The following THSD7B variants were observed in gnomAD, a reference collection of about 807,000 sequenced individuals.
THSD7B encodes thrombospondin type 1 domain containing 7B.
THSD7B carries 138 observed loss-of-function variants against 213.6 expected under a neutral mutation model. The observed-to-expected ratio is 0.65, with a 90% confidence interval of 0.56 to 0.74. THSD7B has a LOEUF of 0.74. Among genes scored for constraint, THSD7B ranks in the 30% least tolerant of loss-of-function variants. The pLI is 0.00. For synonymous variants in THSD7B, 742 were observed against 687.0 expected (o/e 1.08, Z -1.25); for missense variants, 1,931 against 1,991.5 (o/e 0.97, Z 0.58).
chr2:136,770,312 T>G (rs1681482219), intron 1 of THSD7B, among the ~76,000 whole-genome samples: 1 of 152,218 alleles, frequency 6.6e-6, no homozygotes. Flanking sequence ...TAATCTCTTC[T>G]TGCAGAGTTT....
At position 137,656,831 on chromosome 2, in the gene THSD7B, A is replaced by C. The variant is rs1473755511; in HGVS notation, c.4141A>C (p.Thr1381Pro). 6.2e-7 allele frequency: 1 copy of C among 1,614,028 alleles called. No homozygotes were observed. Among genetic ancestry groups the C allele is most frequent in the Admixed American group, 1.7e-5 (1 of 60,030 alleles). Residue 1381 changes from threonine (T) to proline (P), a missense_variant, in exon 23 of 28, where the codon ACA becomes CCA. Transcript: ENST00000409968. ...CHLTEWSEWS[T>P]CELTCIDGRS... Reference sequence around the variant, plus strand: ...TTTAACAGAATGGTCAGAGTGGAGCACATGTGAATTAACCTGCATTGATGG... The same window carrying C: ...TTTAACAGAATGGTCAGAGTGGAGCCCATGTGAATTAACCTGCATTGATGG...
intron 15 of THSD7B, among the ~76,000 whole-genome samples, chr2:137,498,918 G>T (rs965699642): frequency 6.6e-6 from 1 of 152,242 alleles, no homozygotes; most frequent in African/African-American, 2.4e-5. Context: ...TCAGAGGCAG[G>T]TTGCTCCCTT....
intron 15 of THSD7B, among the ~76,000 whole-genome samples, chr2:137,546,560 TTCTC>T (rs1222481469): frequency 7.7e-6 from 1 of 129,426 alleles, no homozygotes; most frequent in African/African-American, 2.9e-5. Context: ...TTTTCTTTCT[TTCTC>T]TCTTTCTTTC....
chr2:136,888,819 C>A (rs1420469021), intron 2 of THSD7B, among the ~76,000 whole-genome samples: 1 of 152,032 alleles, frequency 6.6e-6, no homozygotes, highest in Non-Finnish European at 1.5e-5. Flanking sequence ...GAGGACAGGG[C>A]ATTTTGCTGG....
chr2:137,634,019 A>G (rs1181853558), intron 20 of THSD7B, among the ~76,000 whole-genome samples: 1 of 152,116 alleles, frequency 6.6e-6, no homozygotes, highest in African/African-American at 2.4e-5. Context: ...GTCATCCACT[A>G]GTATTTGCTA....
chr2:137,300,054 A>G (rs1488595124), intron 12 of THSD7B, among the ~76,000 whole-genome samples: 1 of 152,170 alleles, frequency 6.6e-6, no homozygotes, highest in African/African-American at 2.4e-5. Flanking sequence ...GAGTAGAAGC[A>G]GGTGAAGGTT....
chr2:137,132,186 G>A (rs1256735204), intron 5 of THSD7B, among the ~76,000 whole-genome samples: 1 of 151,096 alleles, frequency 6.6e-6, no homozygotes, highest in Non-Finnish European at 1.5e-5. Flanking sequence ...CTGTTTGTCT[G>A]TTATTGGTGT....
intron 12 of THSD7B, among the ~76,000 whole-genome samples, chr2:137,395,587 G>GGC (rs1686159531): frequency 6.6e-6 from 1 of 152,020 alleles, no homozygotes; most frequent in Non-Finnish European, 1.5e-5. Context: ...GAGGATTTTT[G>GGC]CATCAATGTT....
intron 12 of THSD7B, among the ~76,000 whole-genome samples, chr2:137,367,778 T>C (rs1261795643): frequency 6.6e-6 from 1 of 152,152 alleles, no homozygotes; most frequent in African/African-American, 2.4e-5. Context: ...ATATGTGGCC[T>C]TTCCTCAGTG....
At chr2:137,654,652 A>C (rs1683202180) in intron 21 of THSD7B, among the ~76,000 whole-genome samples, 1 of 151,846 alleles carries the variant, frequency 6.6e-6, no homozygotes. Flanking sequence ...CCACTTACTG[A>C]GTTTTTTCAC....
At chr2:136,855,602 ATTAT>A (rs1553453364) in intron 1 of THSD7B, among the ~76,000 whole-genome samples, 874 of 19,330 alleles carry the variant, frequency 0.045, 9 homozygotes, top group African/African-American at 0.089. Flanking sequence ...TTATTTATTT[ATTAT>A]TTATTTATTT....
At chr2:137,424,639 A>G (rs1426772589) in intron 14 of THSD7B, among the ~76,000 whole-genome samples, 3 of 152,232 alleles carry the variant, frequency 2.0e-5, no homozygotes, top group Non-Finnish European at 4.4e-5. Context: ...TCATATGATC[A>G]TCTCAATAGA....
At position 137,430,631 on chromosome 2, in the gene THSD7B, C is replaced by G. The variant is rs185049268; in HGVS notation, c.2959+18759C>G. Among the ~76,000 whole-genome samples, 33 of 152,326 alleles carry G rather than the reference C, an allele frequency of 2.2e-4. No individual in the cohort carries two copies. In the East Asian group the frequency reaches 6.0e-3, roughly 28 times the overall value. ...AGTGATTCTTCAAATCCCCAGCTGT[C>G]AAGACATTGCCGCTTTAGAAAGTTG... On this transcript the variant is annotated intron_variant, in intron 14 of 27. Coordinates refer to ENST00000409968, the MANE Select transcript of THSD7B (RefSeq NM_001316349.2).
At chr2:137,034,560 T>C (rs1029262734) in intron 2 of THSD7B, among the ~76,000 whole-genome samples, 41 of 152,262 alleles carry the variant, frequency 2.7e-4, no homozygotes, top group African/African-American at 9.9e-4. Flanking sequence ...CATTAGGTGT[T>C]TGTCCTAATG....
At chr2:137,039,620 T>G (rs956230779) in intron 2 of THSD7B, among the ~76,000 whole-genome samples, 2 of 152,176 alleles carry the variant, frequency 1.3e-5, no homozygotes, top group Non-Finnish European at 2.9e-5. Context: ...GGTCCCTCCA[T>G]GTGTTAGGAG....
At chr2:137,391,010 T>C (rs1686012636) in intron 12 of THSD7B, among the ~76,000 whole-genome samples, 1 of 151,822 alleles carries the variant, frequency 6.6e-6, no homozygotes, top group Non-Finnish European at 1.5e-5. Flanking sequence ...GTGTGTGTTG[T>C]TGTTGTTGTA....
chr2:136,896,030 G>C (rs1431957481), intron 2 of THSD7B, among the ~76,000 whole-genome samples: 1 of 152,038 alleles, frequency 6.6e-6, no homozygotes, highest in Non-Finnish European at 1.5e-5. Context: ...CTACTCTTTG[G>C]CTGCTATGGA....
intron 20 of THSD7B, among the ~76,000 whole-genome samples, chr2:137,639,328 G>T (rs67843025): frequency 0.12 from 18,466 of 152,204 alleles, 1,196 homozygotes; most frequent in South Asian, 0.15. Context: ...AGGGTGCAAA[G>T]AAGTCAAGAA....
intron 12 of THSD7B, among the ~76,000 whole-genome samples, chr2:137,379,576 T>C (rs969295280): frequency 6.6e-6 from 1 of 152,210 alleles, no homozygotes; most frequent in Non-Finnish European, 1.5e-5. Flanking sequence ...AATTGGGATA[T>C]GGCAAGAACT....
Sources: allele counts gnomAD v4.1 joint callset (sites outside exome capture counted in the v4.1 genomes callset), GRCh38; gene constraint gnomAD v4.1.1; transcripts MANE v1.5; gene names NCBI Gene and HGNC (gene_info 2026-07-23, HGNC 2026-07-21).